The following CSMD1 variants were observed in gnomAD, a reference collection of about 807,000 sequenced individuals.
The protein encoded by CSMD1 is CUB and sushi domain-containing protein 1.
A neutral mutation model predicts 417.5 loss-of-function variants in CSMD1; 213 were observed. The ratio of observed to expected loss-of-function variants is 0.51; its 90% CI spans 0.46 to 0.57. The LOEUF (loss-of-function observed/expected upper bound fraction) is 0.57, where lower values mean the gene tolerates loss of function less well. CSMD1 is among the 20% of genes least tolerant of loss of function. The pLI, the probability that CSMD1 is intolerant of heterozygous loss-of-function variation, is 0.00. For missense variants in CSMD1, 6,923 were observed against 4,529.7 expected, an observed-to-expected ratio of 1.53 and a Z score of -15.17; for synonymous variants, 2,862 against 1,736.8, an observed-to-expected ratio of 1.65 and a Z score of -16.11.
At chr8:3,712,219 G>C (rs1412691465) in intron 6 of CSMD1, among the ~76,000 whole-genome samples, 2 of 152,198 alleles carry the variant, frequency 1.3e-5, no homozygotes, top group Non-Finnish European at 1.5e-5. Context: ...AAAAGGGAAG[G>C]TGACTTGTGG....
At chr8:3,070,543 G>C (rs531106479) in intron 49 of CSMD1, among the ~76,000 whole-genome samples, 1 of 152,148 alleles carries the variant, frequency 6.6e-6, no homozygotes. Flanking sequence ...CTAGGGAAGG[G>C]GAAAGATGCA....
intron 3 of CSMD1, among the ~76,000 whole-genome samples, chr8:4,116,861 T>TGCCAG (rs1802182004): frequency 6.6e-6 from 1 of 151,956 alleles, no homozygotes; most frequent in Non-Finnish European, 1.5e-5. Flanking sequence ...GCATTTACTG[T>TGCCAG]ACAATGTGCC....
chr8:4,279,153 A>T (rs184736746), intron 3 of CSMD1, among the ~76,000 whole-genome samples: 1 of 152,140 alleles, frequency 6.6e-6, no homozygotes, highest in African/African-American at 2.4e-5. Flanking sequence ...CGTGCAAAGG[A>T]AATTATTCCC....
At chr8:3,564,176 T>G (rs555180898) in intron 10 of CSMD1, among the ~76,000 whole-genome samples, 75 of 152,222 alleles carry the variant, frequency 4.9e-4, no homozygotes, top group Non-Finnish European at 8.8e-4. Flanking sequence ...TCTAGCTATT[T>G]TGAAATATAT....
chr8:4,957,735 C>T (rs1481818601), intron 1 of CSMD1, among the ~76,000 whole-genome samples: 2 of 152,114 alleles, frequency 1.3e-5, no homozygotes, highest in Non-Finnish European at 2.9e-5. Context: ...TTTTCCCATT[C>T]CCCTTCTCTA....
chr8:3,390,650 A>G (rs116762659), intron 17 of CSMD1, among the ~76,000 whole-genome samples: 6,929 of 151,952 alleles, frequency 0.046, 418 homozygotes, highest in South Asian at 0.18. Context: ...ATAGTTACAA[A>G]CATTACTTTT....
At chr8:4,222,697 T>C (rs1191374394) in intron 3 of CSMD1, among the ~76,000 whole-genome samples, 6 of 152,204 alleles carry the variant, frequency 3.9e-5, no homozygotes, top group Non-Finnish European at 1.5e-5. Flanking sequence ...GTTATGCCTC[T>C]ATCTGGTTCG....
intron 3 of CSMD1, among the ~76,000 whole-genome samples, chr8:4,276,656 A>T (rs372809741): frequency 6.6e-6 from 1 of 152,160 alleles, no homozygotes; most frequent in African/African-American, 2.4e-5. Context: ...TCAAAGTCTT[A>T]TTTTCCTTCT....
chr8:4,811,542 C>G (rs1321134858), intron 1 of CSMD1, among the ~76,000 whole-genome samples: 4 of 151,922 alleles, frequency 2.6e-5, no homozygotes, highest in Non-Finnish European at 4.4e-5. Flanking sequence ...AGGTATTTCC[C>G]AATATTGACA....
intron 1 of CSMD1, among the ~76,000 whole-genome samples, chr8:4,941,416 C>A (rs1184628536): frequency 6.6e-6 from 1 of 152,052 alleles, no homozygotes; most frequent in Non-Finnish European, 1.5e-5. Flanking sequence ...ACATTCTGTA[C>A]CAACAGTGTT....
chr8:3,520,039 T>TATATATATATAC (rs545212684), intron 10 of CSMD1, among the ~76,000 whole-genome samples: 7,085 of 146,918 alleles, frequency 0.048, 259 homozygotes, highest in Admixed American at 0.11. Context: ...TATATATATA[T>TATATATATATAC]ACACGTATAG....
chr8:4,542,593 C>T (rs1471767245), intron 2 of CSMD1, among the ~76,000 whole-genome samples: 1 of 152,106 alleles, frequency 6.6e-6, no homozygotes, highest in Non-Finnish European at 1.5e-5. Context: ...ATTGCTAACG[C>T]AATTTTTTTC....
chr8:4,272,672 G>C (rs1804680568), intron 3 of CSMD1, among the ~76,000 whole-genome samples: 1 of 152,152 alleles, frequency 6.6e-6, no homozygotes, highest in Non-Finnish European at 1.5e-5. Context: ...ACCGACTGTA[G>C]ATGAACATAA....
rs762130915 is a variant in CSMD1, at chr8:4,966,375, A to T, written c.85+27957T>A. Among the ~76,000 whole-genome samples, 5 of 152,200 alleles carry T rather than the reference A, an allele frequency of 3.3e-5. No homozygotes were observed. In the East Asian group the frequency reaches 5.8e-4, roughly 18 times the overall value. ...GCCTGGGCAACAAGAGTGAAACTCC[A>T]TCTCAAACAAAAAACAACAACAAAA... On this transcript the variant is annotated intron_variant, in intron 1 of 69. Transcript: ENST00000635120.
chr8:4,818,782 T>C (rs1018510647), intron 1 of CSMD1, among the ~76,000 whole-genome samples: 4 of 152,232 alleles, frequency 2.6e-5, no homozygotes, highest in Admixed American at 1.3e-4. Context: ...CTTGGTACTT[T>C]GTAAAACAAA....
chr8:3,630,205 G>A (rs947566557), intron 7 of CSMD1, among the ~76,000 whole-genome samples: 2 of 152,208 alleles, frequency 1.3e-5, no homozygotes, highest in African/African-American at 4.8e-5. Flanking sequence ...TCCTGGGAGG[G>A]AGAAATTAAT....
At chr8:3,046,499 A>T (rs1811456020) in intron 50 of CSMD1, among the ~76,000 whole-genome samples, 1 of 152,096 alleles carries the variant, frequency 6.6e-6, no homozygotes, top group Non-Finnish European at 1.5e-5. Context: ...GTGCGCTCAA[A>T]TCATGTCTCC....
chr8:3,617,294 T>C (rs555961532), intron 7 of CSMD1, among the ~76,000 whole-genome samples: 3 of 152,226 alleles, frequency 2.0e-5, no homozygotes, highest in Non-Finnish European at 4.4e-5. Context: ...TAATGGTTTC[T>C]TTGTTCAAAT....
chr8:3,666,578 C>T (rs1257998906), intron 7 of CSMD1, among the ~76,000 whole-genome samples: 1 of 152,116 alleles, frequency 6.6e-6, no homozygotes, highest in Non-Finnish European at 1.5e-5. Flanking sequence ...CAAATCTCAT[C>T]TTGAATTGTA....
Sources: gnomAD v4.1 joint callset for allele counts (sites outside exome capture counted in the v4.1 genomes callset) on GRCh38, gnomAD v4.1.1 for gene constraint, MANE v1.5 for transcripts, NCBI Gene and HGNC (gene_info 2026-07-23, HGNC 2026-07-21) for gene names.